PPP6R2: variants seen among roughly 807,000 people sequenced by gnomAD.
The protein encoded by PPP6R2 is serine/threonine-protein phosphatase 6 regulatory subunit 2.
PPP6R2 carries 62 observed loss-of-function variants against 100.2 expected under a neutral mutation model. The observed-to-expected ratio is 0.62, with a 90% CI of 0.50 to 0.76. The LOEUF is 0.76. Ranked by LOEUF, PPP6R2 falls within the 30% of genes least tolerant of loss-of-function variation. PPP6R2 has a pLI of 0.00. For synonymous variants in PPP6R2, 525 were observed against 514.7 expected (o/e 1.02, Z -0.27); for missense variants, 1,142 against 1,276.3 (o/e 0.89, Z 1.60).
At chr22:50,339,501 T>TGGGGTA (rs2042344069), upstream of PPP6R2, among the ~76,000 whole-genome samples, 1 of 114,542 alleles carries the variant, frequency 8.7e-6, no homozygotes, top group African/African-American at 3.4e-5. Context: ...AGGGTGTGTG[T>TGGGGTA]TGTGTGTGTG....
the PPP6R2 span, among the ~76,000 whole-genome samples, chr22:50,331,240 T>C: frequency 6.6e-6 from 1 of 152,206 alleles, no homozygotes; most frequent in Admixed American, 6.5e-5. Flanking sequence ...CAGTGTTTGC[T>C]TATTATGACT....
At position 50,410,917 on chromosome 22, in the gene PPP6R2, G is replaced by A. The variant is rs185863403; in HGVS notation, c.415-3635G>A. The stretch of plus-strand genomic sequence containing the variant: ...AGTGATTCTCCTGCCTCAGCCTCCC[G>A]CGTAGCCAGGATTACAGGTGCCTGC... On this transcript the variant is annotated intron_variant, in intron 4 of 23. Coordinates refer to ENST00000612753, the MANE Select transcript of PPP6R2 (RefSeq NM_001242898.2). Among the ~76,000 whole-genome samples, 621 of 152,028 alleles carry A rather than the reference G, an allele frequency of 4.1e-3. 3 individuals are homozygous for A. The highest frequency in any genetic ancestry group is 0.014 in the African/African-American group (580 of 41,486).
chr22:50,367,338 T>C (rs1299180245), intron 1 of PPP6R2, among the ~76,000 whole-genome samples: 1 of 152,058 alleles, frequency 6.6e-6, no homozygotes, highest in Non-Finnish European at 1.5e-5. Context: ...CAGAATGAGA[T>C]GCTGAGGGAA....
rs1405497332 is a variant in PPP6R2, at chr22:50,378,650, C to T, written c.-17+6500C>T. ...CCAGAATTCATATTGAAACTTAATC[C>T]CCAATGCAATAGTTTTAAGAGGTGG... On this transcript the variant is annotated intron_variant, in intron 2 of 23. Transcript: ENST00000612753. 2.0e-5 allele frequency among the ~76,000 whole-genome samples: 3 copies of T among 151,724 alleles called. No individual in the cohort carries two copies. The South Asian group carries it at 6.2e-4, about 31-fold the overall frequency.
chr22:50,380,231 C>CTTTTTT (rs57158964), intron 2 of PPP6R2, among the ~76,000 whole-genome samples: 2 of 142,702 alleles, frequency 1.4e-5, no homozygotes, highest in Non-Finnish European at 3.1e-5. Flanking sequence ...CAGTCTTTTT[C>CTTTTTT]TTTTTTTTTT....
intron 2 of PPP6R2, 60 bp from the exon 3 acceptor site, chr22:50,393,833 G>C (rs893397107): frequency 6.2e-7 from 1 of 1,600,254 alleles, no homozygotes; most frequent in South Asian, 1.1e-5. Flanking sequence ...CTTGGGTCTA[G>C]TGTTGCTGAA....
chr22:50,354,643 T>C (rs1040541973), intron 1 of PPP6R2, among the ~76,000 whole-genome samples: 1 of 151,684 alleles, frequency 6.6e-6, no homozygotes, highest in Non-Finnish European at 1.5e-5. Flanking sequence ...CTGGCCAACA[T>C]GGTTAAACCC....
rs116264025 is a variant in PPP6R2 at position 50,378,687 on chromosome 22, C to G, written c.-17+6537C>G. Among the ~76,000 whole-genome samples, 501 of 150,602 alleles carry G rather than the reference C, an allele frequency of 3.3e-3. 1 individual carries two copies. The highest frequency in any genetic ancestry group is 0.012 in the African/African-American group (478 of 40,778). Reference sequence around the variant, plus strand: ...GTTTTAAGAGGTGGGGCTTACCAGCCTGAGCAACATGGTGAAACCCCATCT... The same window carrying G: ...GTTTTAAGAGGTGGGGCTTACCAGCGTGAGCAACATGGTGAAACCCCATCT... On this transcript the variant is annotated intron_variant, in intron 2 of 23. Transcript: ENST00000612753.
chr22:50,421,496 C>T lies in PPP6R2; in HGVS notation c.846-758C>T, dbSNP rs563504113. 1.3e-4 allele frequency among the ~76,000 whole-genome samples: 20 copies of T among 152,344 alleles called. 2 individuals are homozygous for T. The highest frequency in any genetic ancestry group is 4.6e-4 in the African/African-American group (19 of 41,580). On this transcript the variant is annotated intron_variant, in intron 8 of 23. Coordinates refer to ENST00000612753, the MANE Select transcript of PPP6R2 (RefSeq NM_001242898.2). ...GTGCTGGGATTATAGGTGTGAGCCA[C>T]TGCACCTGGCTCTCTGATTTTTAAA...
intron 3 of PPP6R2, among the ~76,000 whole-genome samples, chr22:50,403,846 G>A (rs914573548): frequency 1.3e-5 from 2 of 152,132 alleles, no homozygotes; most frequent in Non-Finnish European, 2.9e-5. Context: ...AGATCATTGC[G>A]TTTCTTCCCC....
At chr22:50,413,670 A>ACCCCCTCCTCCCCCTCCT (rs55741133) in intron 4 of PPP6R2, among the ~76,000 whole-genome samples, 1 of 144,850 alleles carries the variant, frequency 6.9e-6, no homozygotes, top group Non-Finnish European at 1.5e-5. Context: ...CTCCTCCCCT[A>ACCCCCTCCTCCCCCTCCT]CCCCCTCCTC....
At chr22:50,442,569 A>G (rs954590439) in intron 22 of PPP6R2, among the ~76,000 whole-genome samples, 1 of 104,678 alleles carries the variant, frequency 9.6e-6, no homozygotes, top group Non-Finnish European at 2.1e-5. Flanking sequence ...TGTTTGTTTG[A>G]GACAGAGTCT....
chr22:50,375,507 G>A (rs1292792850), intron 2 of PPP6R2, among the ~76,000 whole-genome samples: 1 of 152,106 alleles, frequency 6.6e-6, no homozygotes, highest in African/African-American at 2.4e-5. Flanking sequence ...TCCCCACACC[G>A]ATGGAACTCT....
intron 1 of PPP6R2, among the ~76,000 whole-genome samples, chr22:50,353,521 AAAT>A (rs2045774144): frequency 6.6e-6 from 1 of 152,186 alleles, no homozygotes; most frequent in African/African-American, 2.4e-5. Context: ...ATAACAGATA[AAAT>A]AATAATGAAA....
At position 50,444,033 on chromosome 22, in the gene PPP6R2, C is replaced by G. The variant is rs761064320; in HGVS notation, c.2747C>G (p.Ala916Gly). Residue 916 changes from alanine (A) to glycine (G), a missense_variant, in exon 23 of 24, where the codon GCC becomes GGC. Physicochemically the swap from Ala to Gly is moderately conservative, Grantham distance 60. Transcript: ENST00000612753. ...ACCCCAGCAGTCTCTTCTGCACTGG[C>G]CGTGGCGGTCCCCCTAGGGCCCATC... ...IPTPAVSSAL[A>G]VAVPLGPIMA... The G allele has an allele frequency of 6.2e-7, 1 of 1,613,402 alleles. No individual in the cohort carries two copies. Among genetic ancestry groups the G allele is most frequent in the Admixed American group, 1.7e-5 (1 of 60,018 alleles).
chr22:50,369,224 G>A (rs1193689031), intron 1 of PPP6R2, among the ~76,000 whole-genome samples: 1 of 147,474 alleles, frequency 6.8e-6, no homozygotes, highest in Non-Finnish European at 1.5e-5. Flanking sequence ...GGCAACAAGA[G>A]TGAAATTCCA....
At chr22:50,335,898 G>T in the PPP6R2 span, among the ~76,000 whole-genome samples, 2 of 144,114 alleles carry the variant, frequency 1.4e-5, 1 homozygote, top group Admixed American at 1.4e-4. Flanking sequence ...GGCTGGTCTC[G>T]AGCTCCTGAC....
intron 1 of PPP6R2, among the ~76,000 whole-genome samples, chr22:50,366,217 A>G (rs1355361417): frequency 6.6e-6 from 1 of 151,800 alleles, no homozygotes; most frequent in Non-Finnish European, 1.5e-5. Context: ...ACGTCTTCTG[A>G]GCATTACGTC....
intron 2 of PPP6R2, among the ~76,000 whole-genome samples, chr22:50,375,330 C>G (rs545850361): frequency 1.6e-4 from 24 of 152,228 alleles, no homozygotes; most frequent in Non-Finnish European, 2.9e-4. Flanking sequence ...CAAAATCTAA[C>G]TGAAAATAAC....
Sources: gnomAD v4.1 joint callset for allele counts (sites outside exome capture counted in the v4.1 genomes callset) on GRCh38, gnomAD v4.1.1 for gene constraint, MANE v1.5 for transcripts, NCBI Gene and HGNC (gene_info 2026-07-23, HGNC 2026-07-21) for gene names.